Variants in COL16A1 observed in about 807,000 individuals in gnomAD.
COL16A1 encodes collagen alpha-1(XVI) chain.
Under a neutral mutation model 266.3 loss-of-function variants are expected in COL16A1, and 189 were observed. The observed-to-expected ratio is 0.71, with a 90% CI of 0.63 to 0.80. The LOEUF is 0.80. Ranked by LOEUF, COL16A1 falls within the 30% of genes least tolerant of loss-of-function variation. The pLI, the probability that COL16A1 is intolerant of heterozygous loss-of-function variation, is 0.00. For missense variants in COL16A1, 1,928 were observed against 2,122.4 expected, an observed-to-expected ratio of 0.91 and a Z score of 1.80; for synonymous variants, 740 against 782.3, an observed-to-expected ratio of 0.95 and a Z score of 0.90.
chr1:31,688,680 G>A lies in COL16A1; in HGVS notation c.1768-178C>T, dbSNP rs1216666697. ...TAGAGGTGCTAAGAGGAAGTTCCAGGGCAAGGAGCCTGGGGCAGCACAGGG... is the reference window on the plus strand; with the variant it reads ...TAGAGGTGCTAAGAGGAAGTTCCAGAGCAAGGAGCCTGGGGCAGCACAGGG... On this transcript the variant is annotated intron_variant, in intron 25 of 70. Coordinates refer to ENST00000373672, the MANE Select transcript of COL16A1 (RefSeq NM_001856.4). This position sits in a 1 kb window ranked among gnomAD's most constrained non-coding sequence, Gnocchi z 4.9. 6 of 1,113,182 alleles carry A rather than the reference G, an allele frequency of 5.4e-6. No individual in the cohort carries two copies. The highest frequency in any genetic ancestry group is 2.0e-4 in the Middle Eastern group (1 of 4,882). 69.0% of individuals were successfully genotyped at this position (1,113,182 alleles called of 1,614,324 possible). A position where few individuals can be genotyped will look rare whatever the true frequency, so the allele number is the denominator to read the frequency against.
intron 39 of COL16A1, 57 bp from the exon 40 acceptor site, chr1:31,680,158 T>G: frequency 1.1e-5 from 17 of 1,584,284 alleles, no homozygotes; most frequent in Non-Finnish European, 1.4e-5. Context: ...TCTCTTGAAA[T>G]GGACATCCGA....
At chr1:31,690,632 TC>T in intron 20 of COL16A1, 59 bp from the exon 21 acceptor site, 1 of 1,587,274 alleles carries the variant, frequency 6.3e-7, no homozygotes, top group Non-Finnish European at 8.5e-7. Flanking sequence ...CTCGGTGCGT[TC>T]CCCCTTCCCC....
rs1642373898 is a variant in COL16A1 at position 31,668,780 on chromosome 1, G to A, written c.3249+22C>T. 6.2e-7 allele frequency: 1 copy of A among 1,613,510 alleles called. No homozygotes were observed. The highest frequency in any genetic ancestry group is 1.3e-5 in the African/African-American group (1 of 74,936). ...CTTCCTCCCTTTCCAGCCCTTTCCA[G>A]CCCCTGCCAGCTTCTTCTTACCGGC... On this transcript the variant is annotated intron_variant, in intron 50 of 70. Coordinates refer to ENST00000373672, the MANE Select transcript of COL16A1 (RefSeq NM_001856.4). This position sits in a 1 kb window ranked among gnomAD's most constrained non-coding sequence, Gnocchi z 5.8.
chr1:31,700,022 G>A lies in COL16A1; in HGVS notation c.148+19C>T. The stretch of plus-strand genomic sequence containing the variant: ...AGGAAGGTTGCAGGGACGGCGCGAT[G>A]AGATGGTTGGGTGCTCACCAGTCAC... On this transcript the variant is annotated intron_variant, in intron 3 of 70. Coordinates refer to ENST00000373672, the MANE Select transcript of COL16A1 (RefSeq NM_001856.4). 6.2e-7 allele frequency: 1 copy of A among 1,613,990 alleles called. No individual in the cohort carries two copies. The highest frequency in any genetic ancestry group is 1.1e-5 in the South Asian group (1 of 91,076).
intron 52 of COL16A1, among the ~76,000 whole-genome samples, chr1:31,666,633 C>A (rs745477717): frequency 1.3e-5 from 2 of 152,028 alleles, no homozygotes; most frequent in African/African-American, 2.4e-5. Context: ...TGAACCCTTG[C>A]CAAATCATCT....
chr1:31,655,356 C>T lies in COL16A1; in HGVS notation c.4248G>A (p.Gly1416=). The T allele has an allele frequency of 6.2e-7, 1 of 1,613,762 alleles. No individual in the cohort carries two copies. Among genetic ancestry groups the T allele is most frequent in the Non-Finnish European group, 8.5e-7 (1 of 1,179,866 alleles). The change falls in exon 67 of 71, where the codon GGG becomes GGA. Residue 1416 remains glycine (G), a synonymous_variant. Transcript: ENST00000373672. ...CAGGCAAGCCAGGGCTCCCCGAAGGCCCCGGAGCTCCAGGGTGGCCTCTCT... is the reference window on the plus strand; with the variant it reads ...CAGGCAAGCCAGGGCTCCCCGAAGGTCCCGGAGCTCCAGGGTGGCCTCTCT... The part of the protein sequence containing the change: ...AGERGHPGAP[G]PSGSPGLPGV...
chr1:31,694,498 G>A (rs762242952), intron 11 of COL16A1, among the ~76,000 whole-genome samples: 1 of 152,212 alleles, frequency 6.6e-6, no homozygotes, highest in African/African-American at 2.4e-5. Context: ...TTTGGTGGGG[G>A]ACTGGATTGA....
rs1037032134 is a variant in COL16A1 at position 31,662,392 on chromosome 1, A to C, written c.3628-5T>G. On this transcript the variant is annotated splice_region_variant and splice_polypyrimidine_tract_variant and intron_variant, in intron 57 of 70. Coordinates refer to ENST00000373672, the MANE Select transcript of COL16A1 (RefSeq NM_001856.4). Reference sequence around the variant, plus strand: ...ACCATCCAGACCGGCGGGGCCCTGGAAACAGGAAAGAGGCATTTCTACATG... The same window carrying C: ...ACCATCCAGACCGGCGGGGCCCTGGCAACAGGAAAGAGGCATTTCTACATG... 1.3e-6 allele frequency: 2 copies of C among 1,539,274 alleles called. No homozygotes were observed. The highest frequency in any genetic ancestry group is 2.8e-5 in the African/African-American group (2 of 72,272).
In COL16A1 at chr1:31,696,981, C is replaced by T; in HGVS notation, c.846G>A (p.Glu282=). The change falls in exon 8 of 71, where the codon GAG becomes GAA. Residue 282 remains glutamate (E), a synonymous_variant. Transcript: ENST00000373672. ...GKVYTRCFCL[E]EPQNSEVDAQ... Reference sequence around the variant, plus strand: ...CACCCACCTCGCTGTTTTGAGGCTCCTCCAGGCAGAAGCAGCGGGTGTAGA... The same window carrying T: ...CACCCACCTCGCTGTTTTGAGGCTCTTCCAGGCAGAAGCAGCGGGTGTAGA... 6.2e-7 allele frequency: 1 copy of T among 1,614,148 alleles called. No homozygotes were observed. The highest frequency in any genetic ancestry group is 8.5e-7 in the Non-Finnish European group (1 of 1,180,026).
rs1641565034 is a variant in COL16A1 at position 31,660,586 on chromosome 1, A to G, written c.3878T>C (p.Val1293Ala). The change falls in exon 62 of 71, where the codon GTT becomes GCT. Residue 1293 changes from valine (V) to alanine (A), a missense_variant and splice_region_variant. Val to Ala is a moderately conservative substitution (Grantham distance 64). Transcript: ENST00000373672. ...AGAGACAAAAGTGGTTCAACTCACA[A>G]CGTGTCCCGGGGGACCGGGTCTTCC... is the stretch of plus-strand genomic sequence containing the variant. ...PQGRPGPPGH[V>A]GPPGPPGQPG... The G allele has an allele frequency of 1.9e-6, 3 of 1,614,026 alleles. No individual in the cohort carries two copies. The highest frequency in any genetic ancestry group is 3.3e-5 in the Admixed American group (2 of 60,012).
chr1:31,660,299 C>T (rs1320979582), intron 62 of COL16A1: 2 of 352,614 alleles, frequency 5.7e-6, no homozygotes, highest in East Asian at 1.0e-4. Context: ...GTCTCCCCAA[C>T]CCCAATCCAG....
chr1:31,662,710 C>T, intron 56 of COL16A1, 52 bp from the exon 57 acceptor site: 1 of 1,312,546 alleles, frequency 7.6e-7, no homozygotes. Context: ...GTCAGCAGGG[C>T]TTTGCCCCAC....
At chr1:31,691,051 G>C (rs141755241) in intron 20 of COL16A1, 137 bp downstream of exon 20, 1 of 1,397,168 alleles carries the variant, frequency 7.2e-7, no homozygotes. Flanking sequence ...TGGCCAAGCC[G>C]AGCCCAGCCT....
intron 57 of COL16A1, 38 bp downstream of exon 57, chr1:31,662,549 T>TCA: frequency 1.3e-6 from 2 of 1,554,652 alleles, no homozygotes; most frequent in Non-Finnish European, 1.7e-6. Flanking sequence ...TGCGCATGCA[T>TCA]CGCACACGTC....
At chr1:31,682,543 C>A (rs963011259) in intron 37 of COL16A1, among the ~76,000 whole-genome samples, 2 of 152,180 alleles carry the variant, frequency 1.3e-5, no homozygotes, top group African/African-American at 4.8e-5. Context: ...TCACATGTCC[C>A]TAATGACTGG....
chr1:31,661,625 C>A lies in COL16A1; in HGVS notation c.3726+35G>T, dbSNP rs143283623. 2.7e-4 allele frequency: 439 copies of A among 1,613,666 alleles called. No individual in the cohort carries two copies. In the African/African-American group the frequency reaches 5.4e-3, roughly 20 times the overall value. On this transcript the variant is annotated intron_variant, in intron 59 of 70. Coordinates refer to ENST00000373672, the MANE Select transcript of COL16A1 (RefSeq NM_001856.4). ...GCCACCCAGGCAGAAGCTGCAACTT[C>A]GCAGCTTCCAACTCCTTCCTGCAGC...
chr1:31,674,438 G>A (rs4949456), intron 44 of COL16A1, among the ~76,000 whole-genome samples: 48,768 of 152,174 alleles, frequency 0.32, 8,497 homozygotes, highest in East Asian at 0.63. Context: ...TTGGGAAGCC[G>A]GCCCAGGCCA....
chr1:31,696,008 G>T, intron 9 of COL16A1, 80 bp downstream of exon 9: 2 of 1,287,982 alleles, frequency 1.6e-6, no homozygotes, highest in Non-Finnish European at 1.1e-6. Context: ...TGGGAGTGGA[G>T]CACCTTATCC....
rs1373773662 is a variant in COL16A1, at chr1:31,685,617, C to T, written c.2016+22G>A. 1.2e-6 allele frequency: 2 copies of T among 1,611,870 alleles called. No individual in the cohort carries two copies. The highest frequency in any genetic ancestry group is 2.2e-5 in the East Asian group (1 of 44,824). Reference sequence around the variant, plus strand: ...CCGCCTGCATCCCCCGTCCAGAGGCCCCTGCCTATATCCCACCTCACCTGT... The same window carrying T: ...CCGCCTGCATCCCCCGTCCAGAGGCTCCTGCCTATATCCCACCTCACCTGT... On this transcript the variant is annotated intron_variant, in intron 29 of 70. Coordinates refer to ENST00000373672, the MANE Select transcript of COL16A1 (RefSeq NM_001856.4). This position sits in a 1 kb window ranked among gnomAD's most constrained non-coding sequence, Gnocchi z 4.0.
Sources: allele counts gnomAD v4.1 joint callset (sites outside exome capture counted in the v4.1 genomes callset), GRCh38; gene constraint gnomAD v4.1.1; non-coding constraint Gnocchi (gnomAD v3.1); transcripts MANE v1.5; gene names NCBI Gene and HGNC (gene_info 2026-07-23, HGNC 2026-07-21).